Variants in NAALADL2 observed in about 807,000 individuals in gnomAD.
The protein encoded by NAALADL2 is inactive N-acetylated-alpha-linked acidic dipeptidase-like protein 2.
In NAALADL2, 76 loss-of-function variants were observed where a neutral mutation model predicts 87.2. The ratio of observed to expected loss-of-function variants is 0.87; its 90% confidence interval spans 0.72 to 1.05. The LOEUF is 1.05. Ranked by LOEUF, NAALADL2 falls within the 50% of genes least tolerant of loss-of-function variation. The pLI is 0.00. For missense variants in NAALADL2, 1,089 were observed against 945.8 expected (o/e 1.15, Z -1.99); for synonymous variants, 354 against 331.0 (o/e 1.07, Z -0.75).
intron 3 of NAALADL2, among the ~76,000 whole-genome samples, chr3:174,753,188 C>T (rs576507537): frequency 3.3e-5 from 5 of 152,316 alleles, no homozygotes; most frequent in African/African-American, 1.2e-4. Flanking sequence ...ATTCTCCTGC[C>T]TCAGCCTCCC....
intron 9 of NAALADL2, among the ~76,000 whole-genome samples, chr3:175,502,884 G>A (rs2149372908): frequency 6.6e-6 from 1 of 150,718 alleles, no homozygotes; most frequent in South Asian, 2.1e-4. Flanking sequence ...TTTCATTTTA[G>A]TTTTTGTAAG....
chr3:174,627,499 TACA>T, intron 2 of NAALADL2, among the ~76,000 whole-genome samples: 1 of 152,216 alleles, frequency 6.6e-6, no homozygotes, highest in Non-Finnish European at 1.5e-5. Flanking sequence ...TGTAAATTAG[TACA>T]ACATCTGTGG....
intron 5 of NAALADL2, among the ~76,000 whole-genome samples, chr3:175,423,102 TA>T (rs1716077389): frequency 2.1e-5 from 3 of 146,122 alleles, no homozygotes; most frequent in Admixed American, 1.4e-4. Flanking sequence ...ATTTAGCTTT[TA>T]AAAAGATTTG....
chr3:174,668,609 T>A (rs544486707), intron 2 of NAALADL2, among the ~76,000 whole-genome samples: 1 of 152,140 alleles, frequency 6.6e-6, no homozygotes, highest in Admixed American at 6.6e-5. Context: ...GTGTGATGTT[T>A]CCCTTCCTGT....
At chr3:175,755,611 T>C (rs1747168057) in intron 13 of NAALADL2, among the ~76,000 whole-genome samples, 193 bp downstream of exon 13, 7 of 152,194 alleles carry the variant, frequency 4.6e-5, no homozygotes, top group Admixed American at 4.6e-4. Flanking sequence ...GAAACTTGGC[T>C]TAGCAGCAGC....
At chr3:175,279,757 C>A (rs1295338534) in intron 4 of NAALADL2, among the ~76,000 whole-genome samples, 1 of 150,356 alleles carries the variant, frequency 6.7e-6, no homozygotes, top group Non-Finnish European at 1.5e-5. Flanking sequence ...TTCCAACAAT[C>A]GCTGAATAAG....
intron 3 of NAALADL2, among the ~76,000 whole-genome samples, chr3:174,814,301 G>T (rs564889100): frequency 2.0e-5 from 3 of 151,826 alleles, no homozygotes; most frequent in African/African-American, 4.8e-5. Context: ...TAGAGACAGG[G>T]TTTCACCTTG....
At chr3:174,877,162 G>C (rs1351820175) in intron 1 of NAALADL2, among the ~76,000 whole-genome samples, 5 of 151,586 alleles carry the variant, frequency 3.3e-5, no homozygotes, top group Admixed American at 1.3e-4. Flanking sequence ...ATGCATTTTG[G>C]GGGGAGACAA....
At chr3:174,667,184 A>G (rs1560129745) in intron 2 of NAALADL2, among the ~76,000 whole-genome samples, 2 of 152,180 alleles carry the variant, frequency 1.3e-5, no homozygotes. Flanking sequence ...TTGTATGCAT[A>G]CCCAGAAGTA....
At chr3:174,806,641 A>G (rs972704832) in intron 3 of NAALADL2, among the ~76,000 whole-genome samples, 37 of 152,336 alleles carry the variant, frequency 2.4e-4, no homozygotes, top group African/African-American at 8.2e-4. Context: ...ATGCACAGAT[A>G]ATAATTACCT....
intron 1 of NAALADL2, among the ~76,000 whole-genome samples, chr3:174,450,805 G>A (rs1472511631): frequency 1.4e-5 from 2 of 146,922 alleles, no homozygotes; most frequent in Non-Finnish European, 3.0e-5. Context: ...GGGTGGCAGG[G>A]GTTGTAGTGA....
chr3:175,587,505 C>A (rs1252716177), intron 10 of NAALADL2, among the ~76,000 whole-genome samples: 1 of 152,018 alleles, frequency 6.6e-6, no homozygotes, highest in African/African-American at 2.4e-5. Flanking sequence ...GCAATGAAGG[C>A]ATATATATTA....
intron 6 of NAALADL2, among the ~76,000 whole-genome samples, chr3:175,452,010 A>G (rs1002510580): frequency 6.6e-6 from 1 of 152,200 alleles, no homozygotes; most frequent in Non-Finnish European, 1.5e-5. Flanking sequence ...TGTATTGAAC[A>G]TATTATCTAC....
At chr3:175,481,003 AT>A (rs1273999120) in intron 9 of NAALADL2, among the ~76,000 whole-genome samples, 2 of 151,950 alleles carry the variant, frequency 1.3e-5, no homozygotes, top group African/African-American at 4.8e-5. Flanking sequence ...CACTGAGAAC[AT>A]TTTTTCTTTG....
rs556532158 is a variant in NAALADL2, at chr3:175,552,266, A to G, written c.1654-23775A>G. Among the ~76,000 whole-genome samples the G allele has an allele frequency of 1.1e-4, 16 of 152,292 alleles. No individual in the cohort carries two copies. In the East Asian group the frequency reaches 3.1e-3, roughly 29 times the overall value. ...TGAGATAAAATGTTGCTGTTCCTTT[A>G]TTAGAGGTGTCTAAAAGAACAGTGT... On this transcript the variant is annotated intron_variant, in intron 9 of 13. Coordinates refer to ENST00000454872, the MANE Select transcript of NAALADL2 (RefSeq NM_207015.3).
Position 175,758,867 on chromosome 3 carries a change from A to T in NAALADL2, c.2189+3449A>T, listed in dbSNP as rs144135800. On this transcript the variant is annotated intron_variant, in intron 13 of 13. Transcript: ENST00000454872. The stretch of plus-strand genomic sequence containing the variant: ...TCACTCTCTAACCCACTGGGCATAC[A>T]GAATTCTCATCTAATACACAAGAAA... 3.3e-4 allele frequency among the ~76,000 whole-genome samples: 51 copies of T among 152,254 alleles called. 1 individual carries two copies. The East Asian group carries it at 9.7e-3, about 29-fold the overall frequency.
At chr3:174,750,084 C>T (rs1286203763) in intron 3 of NAALADL2, among the ~76,000 whole-genome samples, 1 of 152,122 alleles carries the variant, frequency 6.6e-6, no homozygotes, top group Non-Finnish European at 1.5e-5. Flanking sequence ...CCAGTTTTTG[C>T]CCAAGCTAAA....
At chr3:174,475,087 A>T (rs915779991) in intron 1 of NAALADL2, among the ~76,000 whole-genome samples, 4 of 151,968 alleles carry the variant, frequency 2.6e-5, no homozygotes, top group African/African-American at 7.2e-5. Flanking sequence ...AATCATTTAG[A>T]TTCTTACCTA....
chr3:175,053,174 A>G (rs1580207095), intron 1 of NAALADL2, among the ~76,000 whole-genome samples: 2 of 152,320 alleles, frequency 1.3e-5, no homozygotes, highest in South Asian at 4.1e-4. Flanking sequence ...ATCAGAAAGC[A>G]TGTGTAACTA....
Sources: allele counts gnomAD v4.1 joint callset (sites outside exome capture counted in the v4.1 genomes callset), GRCh38; gene constraint gnomAD v4.1.1; transcripts MANE v1.5; gene names NCBI Gene and HGNC (gene_info 2026-07-23, HGNC 2026-07-21).